Variants in THRAP3 observed in about 807,000 individuals in gnomAD.
THRAP3 encodes the protein thyroid hormone receptor-associated protein 3.
A neutral mutation model predicts 101.0 loss-of-function variants in THRAP3; 16 were observed. The ratio of observed to expected loss-of-function variants is 0.16; its 90% CI spans 0.11 to 0.24. THRAP3 has a LOEUF of 0.24. Among genes scored for constraint, THRAP3 ranks in the 10% least tolerant of loss-of-function variants. The pLI is 1.00. For synonymous variants in THRAP3, 407 were observed against 422.6 expected (o/e 0.96, Z 0.45); for missense variants, 989 against 1,202.7 (o/e 0.82, Z 2.63).
chr1:36,233,757 C>A (rs758112460), intron 1 of THRAP3, among the ~76,000 whole-genome samples: 8 of 152,046 alleles, frequency 5.3e-5, no homozygotes, highest in South Asian at 2.1e-4. Flanking sequence ...CAAAGTGAGA[C>A]CCTGTCTCAA....
intron 1 of THRAP3, among the ~76,000 whole-genome samples, chr1:36,241,685 TCTC>T (rs956123078): frequency 6.6e-6 from 1 of 151,580 alleles, no homozygotes; most frequent in African/African-American, 2.4e-5. Flanking sequence ...TTCAAGCAGT[TCTC>T]CTGCCTCAGC....
intron 1 of THRAP3, among the ~76,000 whole-genome samples, chr1:36,227,882 C>T (rs991384389): frequency 6.6e-6 from 1 of 151,690 alleles, no homozygotes; most frequent in South Asian, 2.1e-4. Flanking sequence ...GCAGGACACT[C>T]TTTTTGTTTT....
At chr1:36,269,697 A>T (rs1185226152) in intron 2 of THRAP3, among the ~76,000 whole-genome samples, 1 of 152,036 alleles carries the variant, frequency 6.6e-6, no homozygotes, top group Non-Finnish European at 1.5e-5. Context: ...CAGCCTCCCA[A>T]GTAGCTGGGA....
At chr1:36,261,793 A>C (rs559345969) in intron 2 of THRAP3, among the ~76,000 whole-genome samples, 1 of 152,294 alleles carries the variant, frequency 6.6e-6, no homozygotes, top group Admixed American at 6.5e-5. Flanking sequence ...GTATGATCCA[A>C]AATGGTAGTA....
rs61739346 is a variant in THRAP3, at chr1:36,301,003, G to C, written c.2421G>C (p.Thr807=). The change falls in exon 10 of 12, where the codon ACG becomes ACC. Residue 807 remains threonine (T), a synonymous_variant. Coordinates refer to ENST00000354618, the MANE Select transcript of THRAP3 (RefSeq NM_005119.4). Reference sequence around the variant, plus strand: ...CAGAGGAAAGAGAGGAGAGCACCACGGGCTTTGACAAATCAAGACTGGGGA... The same window carrying C: ...CAGAGGAAAGAGAGGAGAGCACCACCGGCTTTGACAAATCAAGACTGGGGA... ...EETEEREEST[T]GFDKSRLGTK... 7 of 1,614,174 alleles carry C rather than the reference G, an allele frequency of 4.3e-6. No individual in the cohort carries two copies. Among genetic ancestry groups the C allele is most frequent in the Non-Finnish European group, 5.9e-6 (7 of 1,180,030 alleles).
At chr1:36,262,959 A>ATTTTTTTTTTTTTTTTTTTTT (rs55662646) in intron 2 of THRAP3, among the ~76,000 whole-genome samples, 2 of 104,364 alleles carry the variant, frequency 1.9e-5, no homozygotes, top group Non-Finnish European at 1.9e-5. Context: ...GGGCCGGCTA[A>ATTTTTTTTTTTTTTTTTTTTT]TTTTTTTTTT....
intron 2 of THRAP3, among the ~76,000 whole-genome samples, chr1:36,272,238 A>AG (rs1645601338): frequency 6.6e-6 from 1 of 152,182 alleles, no homozygotes. Context: ...CCAGAGGGAC[A>AG]TCACCCCCAC....
chr1:36,292,824 A>T (rs1645893493), intron 7 of THRAP3, 115 bp downstream of exon 7: 1 of 734,594 alleles, frequency 1.4e-6, no homozygotes, highest in South Asian at 1.9e-5. Flanking sequence ...TTACAGTAAC[A>T]TCCTTCAGAC....
chr1:36,278,062 CTTT>C (rs57646478), intron 2 of THRAP3, among the ~76,000 whole-genome samples: 148 of 110,722 alleles, frequency 1.3e-3, no homozygotes, highest in African/African-American at 4.7e-3. Context: ...CCCAGCCCCC[CTTT>C]TTTTTTTTTT....
At position 36,286,296 on chromosome 1, in the gene THRAP3, G is replaced by C; in HGVS notation, c.138-72G>C. The C allele has an allele frequency of 6.9e-7, 1 of 1,459,416 alleles. No individual in the cohort carries two copies. The highest frequency in any genetic ancestry group is 9.2e-7 in the Non-Finnish European group (1 of 1,082,836). The allele number at this position is 1,459,416 out of a possible 1,614,324, so 90.4% of individuals were successfully genotyped here. ...ATGACACATAAGGGCAGGGATTTCA[G>C]AACAGATTTTTCTTGAATAAAAATG... On this transcript the variant is annotated intron_variant, in intron 3 of 11. Transcript: ENST00000354618. The surrounding 1 kb of genome is among the most constrained non-coding windows in gnomAD (Gnocchi z 5.5).
At chr1:36,225,172 T>C (rs1315299698) in intron 1 of THRAP3, 1 of 152,290 alleles carries the variant, frequency 6.6e-6, no homozygotes, top group East Asian at 1.9e-4. Context: ...TTACAAATCT[T>C]AGGGGTGGAG....
At chr1:36,240,170 C>T (rs1645138572) in intron 1 of THRAP3, among the ~76,000 whole-genome samples, 1 of 152,158 alleles carries the variant, frequency 6.6e-6, no homozygotes, top group South Asian at 2.1e-4. Flanking sequence ...AGAATTGGCT[C>T]TCACAGTTAC....
At position 36,289,361 on chromosome 1, in the gene THRAP3, G is replaced by T. The variant is rs757749091; in HGVS notation, c.1342G>T (p.Asp448Tyr). The T allele has an allele frequency of 1.5e-5, 24 of 1,614,148 alleles. No homozygotes were observed. The highest frequency in any genetic ancestry group is 2.0e-5 in the Non-Finnish European group (24 of 1,180,024). Reference protein sequence around the residue: ...AKGRKESEFDDEPKFMSKVIG... With the variant: ...AKGRKESEFDYEPKFMSKVIG... ...GGGAAGAAAGGAATCTGAGTTTGAT[G>T]ATGAACCCAAATTTATGTCTAAAGT... is the stretch of plus-strand genomic sequence containing the variant. Residue 448 changes from aspartate (D) to tyrosine (Y), a missense_variant, in exon 5 of 12, where the codon GAT becomes TAT. Coordinates refer to ENST00000354618, the MANE Select transcript of THRAP3 (RefSeq NM_005119.4).
At chr1:36,292,534 T>C (rs909328545) in intron 6 of THRAP3, 64 bp from the exon 7 acceptor site, 5 of 1,293,014 alleles carry the variant, frequency 3.9e-6, no homozygotes, top group Non-Finnish European at 5.5e-6. Context: ...CCTCCGAAAG[T>C]GGTGGGATTA....
At position 36,296,637 on chromosome 1, in the gene THRAP3, C is replaced by A; in HGVS notation, c.2170C>A (p.Arg724Ser). The A allele has an allele frequency of 6.3e-7, 1 of 1,597,790 alleles. No homozygotes were observed. ...TGATCTCCGCCTTGATATTGAACGT[C>A]GTAAAAAACATAAGGAGAGAGATCT... ...PVDLRLDIER[R>S]KKHKERDLKR... Residue 724 changes from arginine to serine, a missense_variant, in exon 9 of 12, where the codon CGT (arginine) becomes AGT (serine). Arg to Ser is a moderately radical substitution (Grantham distance 110). Transcript: ENST00000354618.
At chr1:36,288,568 T>C (rs990438034) in intron 4 of THRAP3, 166 of 985,364 alleles carry the variant, frequency 1.7e-4, no homozygotes, top group Non-Finnish European at 1.9e-4. Context: ...TATTTAGATC[T>C]TCTAGGTGAC....
intron 2 of THRAP3, among the ~76,000 whole-genome samples, chr1:36,265,377 G>A (rs947008585): frequency 6.6e-6 from 1 of 150,688 alleles, no homozygotes; most frequent in Non-Finnish European, 1.5e-5. Context: ...CAATACAAAC[G>A]AAAACCTCCA....
intron 2 of THRAP3, among the ~76,000 whole-genome samples, chr1:36,259,999 T>C (rs1645424310): frequency 6.6e-6 from 1 of 152,116 alleles, no homozygotes; most frequent in Non-Finnish European, 1.5e-5. Context: ...TCCCAGCACT[T>C]TGGGAGGCCA....
intron 1 of THRAP3, among the ~76,000 whole-genome samples, chr1:36,254,540 T>A (rs1645348763): frequency 6.6e-6 from 1 of 152,188 alleles, no homozygotes; most frequent in Non-Finnish European, 1.5e-5. Flanking sequence ...TGCTGTTGAG[T>A]TATAACTGTG....
Sources: allele counts gnomAD v4.1 joint callset (sites outside exome capture counted in the v4.1 genomes callset), GRCh38; gene constraint gnomAD v4.1.1; non-coding constraint Gnocchi (gnomAD v3.1); transcripts MANE v1.5; gene names NCBI Gene and HGNC (gene_info 2026-07-23, HGNC 2026-07-21).